Variants in RNF223 observed in about 807,000 individuals in gnomAD.
RNF223 encodes ring finger protein 223.
A neutral mutation model predicts 13.9 loss-of-function variants in RNF223; 10 were observed. The observed-to-expected ratio is 0.72, with a 90% CI of 0.44 to 1.22. The LOEUF (loss-of-function observed/expected upper bound fraction) is 1.22, where lower values mean the gene tolerates loss of function less well. Among genes scored for constraint, RNF223 ranks in the 50% most tolerant of loss-of-function variants. The probability of loss-of-function intolerance (pLI) is 0.00; values close to 1 mark genes in which losing one functional copy is unlikely to be tolerated. For missense variants in RNF223, 379 were observed against 380.0 expected (o/e 1.00, Z 0.02); for synonymous variants, 168 against 173.3 (o/e 0.97, Z 0.24).
At position 1,072,126 on chromosome 1, in the gene RNF223, C is replaced by CA; in HGVS notation, c.440dup (p.Pro148AlafsTer101). On this transcript the variant is annotated frameshift_variant, in exon 2 of 2. Transcript: ENST00000453464. LOFTEE classifies it high-confidence loss of function. The stretch of plus-strand genomic sequence containing the variant: ...CGGGCTCGCGGCCAGGTGTGGTGGG[C>CA]AGTGGCTGGCAGCACAGCTTGGTGC... 9.9e-6 allele frequency: 15 copies of CA among 1,517,088 alleles called. No homozygotes were observed. Among genetic ancestry groups the CA allele is most frequent in the Non-Finnish European group, 1.3e-5 (15 of 1,139,616 alleles). 94.0% of individuals were successfully genotyped at this position (1,517,088 alleles called of 1,614,324 possible). A position where few individuals can be genotyped will look rare whatever the true frequency, so the allele number is the denominator to read the frequency against.
chr1:1,072,048 G>C lies in RNF223; in HGVS notation c.519C>G (p.Pro173=). Residue 173 remains proline, a synonymous_variant, in exon 2 of 2, where the codon CCC becomes CCG. Transcript: ENST00000453464. ...CCCGGCGGGGGGCAGGGTCCCGGGC[G>C]GGCGCGGGCGGCTCGGCAGGCTTGC... ...GLSKPAEPPA[P]ARDPAPRRGR... 4.7e-6 allele frequency: 7 copies of C among 1,489,154 alleles called. No homozygotes were observed. Among genetic ancestry groups the C allele is most frequent in the Non-Finnish European group, 4.4e-6 (5 of 1,126,728 alleles). 92.2% of individuals were successfully genotyped at this position (1,489,154 alleles called of 1,614,324 possible). A position where few individuals can be genotyped will look rare whatever the true frequency, so the allele number is the denominator to read the frequency against.
rs1427374191 is a variant in RNF223, at chr1:1,072,452, TG to T, written c.114del (p.Thr39ProfsTer126). 6.6e-7 allele frequency: 1 copy of T among 1,519,082 alleles called. No individual in the cohort carries two copies. Among genetic ancestry groups the T allele is most frequent in the Admixed American group, 2.1e-5 (1 of 48,000 alleles). 94.1% of individuals were successfully genotyped at this position (1,519,082 alleles called of 1,614,324 possible). On this transcript the variant is annotated frameshift_variant, in exon 2 of 2. Coordinates refer to ENST00000453464, the MANE Select transcript of RNF223 (RefSeq NM_001205252.2). LOFTEE classifies it high-confidence loss of function. ...GAGGCCACCCTCTCCGAGCCAGGGG[TG>T]CCAGGGGACCTGGGGCTGCCGGCCG... is the stretch of plus-strand genomic sequence containing the variant. Reference protein sequence around the residue: ...PSSAGSPRSPGTPGSERVASP... With the variant: ...PSSAGSPRSPXTPGSERVASP...
rs1030924223 is a variant in RNF223 at position 1,072,503 on chromosome 1, C to A, written c.64G>T (p.Ala22Ser). ...GAGCTGGGGGACCTGGGCATCGAGG[C>A]TATGGAGCTGCTCCGGCGAGGGGGT... ...VPPPRRSSSI[A>S]SMPRSPSSAG... Residue 22 changes from alanine to serine, a missense_variant, in exon 2 of 2, where the codon GCC becomes TCC. Coordinates refer to ENST00000453464, the MANE Select transcript of RNF223 (RefSeq NM_001205252.2). The A allele has an allele frequency of 1.3e-6, 2 of 1,532,818 alleles. No individual in the cohort carries two copies. The highest frequency in any genetic ancestry group is 1.7e-6 in the Non-Finnish European group (2 of 1,145,628). 95.0% of individuals were successfully genotyped at this position (1,532,818 alleles called of 1,614,324 possible). A position where few individuals can be genotyped will look rare whatever the true frequency, so the allele number is the denominator to read the frequency against.
At chr1:1,073,336 C>T (rs1448795471) in intron 1 of RNF223, among the ~76,000 whole-genome samples, 2 of 152,184 alleles carry the variant, frequency 1.3e-5, no homozygotes, top group Admixed American at 1.3e-4. Context: ...CTGCGGCCTG[C>T]GGGGCCGGCT....
intron 1 of RNF223, among the ~76,000 whole-genome samples, chr1:1,073,345 C>T (rs988877413): frequency 1.3e-5 from 2 of 152,210 alleles, no homozygotes; most frequent in South Asian, 2.1e-4. Flanking sequence ...GCGGGGCCGG[C>T]TTGTCTAGCT....
At chr1:1,072,689 G>C in intron 1 of RNF223, 114 bp from the exon 2 acceptor site, 1 of 905,494 alleles carries the variant, frequency 1.1e-6, no homozygotes, top group South Asian at 1.8e-5. Flanking sequence ...TGTTTCCTGC[G>C]CGCCACTCCA....
At position 1,072,322 on chromosome 1, in the gene RNF223, A is replaced by T; in HGVS notation, c.245T>A (p.Leu82Gln). The change falls in exon 2 of 2, where the codon CTG (leucine) becomes CAG (glutamine). Residue 82 changes from leucine (L) to glutamine (Q), a missense_variant. By Grantham distance (113) the Leu-to-Gln change is moderately radical. Transcript: ENST00000453464. ...HVFCLECLAR[L>Q]AAAQPVGRPG... Reference sequence around the variant, plus strand: ...GCGGCCCACAGGCTGAGCAGCCGCCAGCCGGGCCAGGCACTCCAGGCAGAA... The same window carrying T: ...GCGGCCCACAGGCTGAGCAGCCGCCTGCCGGGCCAGGCACTCCAGGCAGAA... The T allele has an allele frequency of 6.9e-7, 1 of 1,445,424 alleles. No individual in the cohort carries two copies. 89.5% of individuals were successfully genotyped at this position (1,445,424 alleles called of 1,614,324 possible).
In RNF223 at chr1:1,072,593, T is replaced by G; in HGVS notation, c.-9-18A>C. The G allele has an allele frequency of 6.9e-7, 1 of 1,454,818 alleles. No homozygotes were observed. Among genetic ancestry groups the G allele is most frequent in the Non-Finnish European group, 9.0e-7 (1 of 1,108,168 alleles). The allele number at this position is 1,454,818 out of a possible 1,614,324, so 90.1% of individuals were successfully genotyped here. ...TCTCTGAGCTGTGGGACAGGGACTG[T>G]GGTAAGCAATCACCGGCCGCCCCTT... On this transcript the variant is annotated intron_variant, in intron 1 of 1. Coordinates refer to ENST00000453464, the MANE Select transcript of RNF223 (RefSeq NM_001205252.2).
intron 1 of RNF223, among the ~76,000 whole-genome samples, 183 bp from the exon 2 acceptor site, chr1:1,072,758 C>T (rs1645652176): frequency 1.3e-5 from 2 of 152,216 alleles, no homozygotes; most frequent in African/African-American, 4.8e-5. Flanking sequence ...CTGTCCTCTC[C>T]ACCCCATCAC....
chr1:1,073,249 G>A (rs1390830641), intron 1 of RNF223, among the ~76,000 whole-genome samples: 2 of 152,222 alleles, frequency 1.3e-5, no homozygotes, highest in Non-Finnish European at 2.9e-5. Flanking sequence ...GCTGAGCCCC[G>A]GGGGCTTTGG....
At position 1,071,534 on chromosome 1, in the gene RNF223, G is replaced by C. The variant is rs1645638531; in HGVS notation, c.*283C>G. On this transcript the variant is annotated 3_prime_UTR_variant, in exon 2 of 2. Transcript: ENST00000453464. ...TTCTGCCTCAGCCCTCCAGAGTGCT[G>C]AGATGACAGGCGTGAGCCACCGCGC... 2.9e-6 allele frequency: 1 copy of C among 348,710 alleles called. No individual in the cohort carries two copies. Among genetic ancestry groups the C allele is most frequent in the Non-Finnish European group, 5.1e-6 (1 of 194,370 alleles). The allele number at this position is 348,710 out of a possible 1,614,324, so 21.6% of individuals were successfully genotyped here. A position where few individuals can be genotyped will look rare whatever the true frequency, so the allele number is the denominator to read the frequency against.
In RNF223 at chr1:1,072,326, G is replaced by A. The variant is rs576663974; in HGVS notation, c.241C>T (p.Arg81Trp). The change falls in exon 2 of 2, where the codon CGG becomes TGG. Residue 81 changes from arginine (R) to tryptophan (W), a missense_variant. Transcript: ENST00000453464. ...CCCACAGGCTGAGCAGCCGCCAGCC[G>A]GGCCAGGCACTCCAGGCAGAAGACG... is the stretch of plus-strand genomic sequence containing the variant. ...THVFCLECLARLAAAQPVGRP... is the reference protein window; with the variant it reads ...THVFCLECLAWLAAAQPVGRP... 1,432 of 1,446,564 alleles carry A rather than the reference G, an allele frequency of 9.9e-4. 8 individuals carry two copies. Among genetic ancestry groups the A allele is most frequent in the Admixed American group, 1.2e-3 (44 of 36,534 alleles). The allele number at this position is 1,446,564 out of a possible 1,614,324, so 89.6% of individuals were successfully genotyped here.
chr1:1,073,384 G>C (rs1037228623), intron 1 of RNF223, among the ~76,000 whole-genome samples: 1 of 152,208 alleles, frequency 6.6e-6, no homozygotes, highest in Admixed American at 6.5e-5. Context: ...ACAGTGTGGG[G>C]GTGGGACTTG....
intron 1 of RNF223, 78 bp from the exon 2 acceptor site, chr1:1,072,653 G>T (rs562710654): frequency 5.9e-6 from 7 of 1,192,926 alleles, no homozygotes; most frequent in Non-Finnish European, 7.9e-6. Flanking sequence ...CCCCTCTCTC[G>T]CCCCAGAGAT....
In RNF223 at chr1:1,072,469, C is replaced by T. The variant is rs908430264; in HGVS notation, c.98G>A (p.Ser33Asn). 8.5e-6 allele frequency: 13 copies of T among 1,527,680 alleles called. No homozygotes were observed. The Admixed American group carries it at 1.0e-4, about 12-fold the overall frequency. The allele number at this position is 1,527,680 out of a possible 1,614,324, so 94.6% of individuals were successfully genotyped here. A position where few individuals can be genotyped will look rare whatever the true frequency, so the allele number is the denominator to read the frequency against. ...GCCAGGGGTGCCAGGGGACCTGGGG[C>T]TGCCGGCCGAGCTGGGGGACCTGGG... ...SMPRSPSSAG[S>N]PRSPGTPGSE... is the part of the protein sequence containing the mutation. The change falls in exon 2 of 2, where the codon AGC (serine) becomes AAC (asparagine). Residue 33 changes from serine to asparagine, a missense_variant. Transcript: ENST00000453464.
At position 1,071,802 on chromosome 1, in the gene RNF223, C is replaced by T. The variant is rs771696359; in HGVS notation, c.*15G>A. Reference sequence around the variant, plus strand: ...GCTGGGCGAGGGCGGCTGACCTGGGCAGAGGCTGCTGGCCCTAATTATCAG... The same window carrying T: ...GCTGGGCGAGGGCGGCTGACCTGGGTAGAGGCTGCTGGCCCTAATTATCAG... On this transcript the variant is annotated 3_prime_UTR_variant, in exon 2 of 2. Transcript: ENST00000453464. 4.7e-6 allele frequency: 7 copies of T among 1,477,404 alleles called. No homozygotes were observed. Among genetic ancestry groups the T allele is most frequent in the Non-Finnish European group, 4.5e-6 (5 of 1,119,018 alleles). The allele number at this position is 1,477,404 out of a possible 1,614,324, so 91.5% of individuals were successfully genotyped here. A position where few individuals can be genotyped will look rare whatever the true frequency, so the allele number is the denominator to read the frequency against.
At position 1,072,227 on chromosome 1, in the gene RNF223, C is replaced by T. The variant is rs953783446; in HGVS notation, c.340G>A (p.Ala114Thr). The stretch of plus-strand genomic sequence containing the variant: ...TGCAGCTGGCGGCTGGTGCACAGCG[C>T]GGGGGCTCCGGCGGGCGGCACGGCC... ...PTAVPPAGAP[A>T]LCTSRQLQAR... is the part of the protein sequence containing the mutation. Residue 114 changes from alanine to threonine, a missense_variant, in exon 2 of 2, where the codon GCG (alanine) becomes ACG (threonine). Transcript: ENST00000453464. 50 of 1,464,524 alleles carry T rather than the reference C, an allele frequency of 3.4e-5. No individual in the cohort carries two copies. Among genetic ancestry groups the T allele is most frequent in the African/African-American group, 5.9e-5 (4 of 68,082 alleles). The allele number at this position is 1,464,524 out of a possible 1,614,324, so 90.7% of individuals were successfully genotyped here.
Position 1,072,196 on chromosome 1 carries a change from C to A in RNF223, c.371G>T (p.Arg124Leu). 1 of 1,499,506 alleles carries A rather than the reference C, an allele frequency of 6.7e-7. No individual in the cohort carries two copies. The highest frequency in any genetic ancestry group is 1.3e-5 in the South Asian group (1 of 79,662). The allele number at this position is 1,499,506 out of a possible 1,614,324, so 92.9% of individuals were successfully genotyped here. ...ALCTSRQLQA[R>L]MPAHLRREEP... is the part of the protein sequence containing the mutation. Reference sequence around the variant, plus strand: ...CTCACGCCGCAAATGCGCCGGCATCCGGGCCTGCAGCTGGCGGCTGGTGCA... The same window carrying A: ...CTCACGCCGCAAATGCGCCGGCATCAGGGCCTGCAGCTGGCGGCTGGTGCA... Residue 124 changes from arginine (R) to leucine (L), a missense_variant, in exon 2 of 2, where the codon CGG becomes CTG. Physicochemically the swap from Arg to Leu is moderately radical, Grantham distance 102. Transcript: ENST00000453464.
chr1:1,072,158 G>C lies in RNF223; in HGVS notation c.409C>G (p.Leu137Val). 6.6e-7 allele frequency: 1 copy of C among 1,514,234 alleles called. No homozygotes were observed. Among genetic ancestry groups the C allele is most frequent in the African/African-American group, 1.4e-5 (1 of 69,700 alleles). 93.8% of individuals were successfully genotyped at this position (1,514,234 alleles called of 1,614,324 possible). ...AHLRREEPVW[L>V]EGTKLCCQPL... is the part of the protein sequence containing the mutation. ...TGGCAGCACAGCTTGGTGCCCTCCA[G>C]CCACACAGGCTCCTCACGCCGCAAA... Residue 137 changes from leucine (L) to valine (V), a missense_variant, in exon 2 of 2, where the codon CTG becomes GTG. Transcript: ENST00000453464.
Sources: allele counts gnomAD v4.1 joint callset (sites outside exome capture counted in the v4.1 genomes callset), GRCh38; gene constraint gnomAD v4.1.1; transcripts MANE v1.5; gene names NCBI Gene and HGNC (gene_info 2026-07-23, HGNC 2026-07-21).